The following AIG1 variants were observed in gnomAD, a reference collection of about 807,000 sequenced individuals.
AIG1 encodes the protein androgen-induced gene 1 protein.
In AIG1, 23 loss-of-function variants were observed where a neutral mutation model predicts 31.4. The observed-to-expected ratio is 0.73, with a 90% CI of 0.53 to 1.04. The LOEUF is 1.04. AIG1 is among the 50% of genes least tolerant of loss of function. The pLI, the probability that AIG1 is intolerant of heterozygous loss-of-function variation, is 0.00. For missense variants in AIG1, 274 were observed against 295.0 expected, an observed-to-expected ratio of 0.93 and a Z score of 0.52; for synonymous variants, 100 against 110.5, an observed-to-expected ratio of 0.90 and a Z score of 0.60.
chr6:143,174,047 G>C lies in AIG1; in HGVS notation c.399+8864G>C, dbSNP rs1280317013. 2.6e-5 allele frequency among the ~76,000 whole-genome samples: 4 copies of C among 152,124 alleles called. No individual in the cohort carries two copies. The East Asian group carries it at 7.7e-4, about 29-fold the overall frequency. On this transcript the variant is annotated intron_variant, in intron 3 of 5. Coordinates refer to ENST00000357847, the MANE Select transcript of AIG1 (RefSeq NM_016108.4). ...TCACTTCTTAGGTCTAGTAGTAATT[G>C]TTTTATAAATTTGGGAACTCCAGTG...
At chr6:143,199,056 C>G (rs1055374327) in intron 3 of AIG1, among the ~76,000 whole-genome samples, 2 of 152,108 alleles carry the variant, frequency 1.3e-5, no homozygotes, top group Non-Finnish European at 2.9e-5. Flanking sequence ...TGAAGGTCTC[C>G]TTTCTCCTTA....
At chr6:143,179,695 G>A (rs1266188218) in intron 3 of AIG1, among the ~76,000 whole-genome samples, 1 of 152,084 alleles carries the variant, frequency 6.6e-6, no homozygotes, top group East Asian at 1.9e-4. Context: ...TATTTGAAGA[G>A]GAGAAGAAAT....
At chr6:143,092,637 C>T (rs1320185106) in intron 1 of AIG1, among the ~76,000 whole-genome samples, 1 of 152,104 alleles carries the variant, frequency 6.6e-6, no homozygotes, top group Non-Finnish European at 1.5e-5. Context: ...TTAAAATATT[C>T]AGTAAACCAT....
At position 143,333,482 on chromosome 6, in the gene AIG1, T is replaced by G; in HGVS notation, c.679+37T>G. Reference sequence around the variant, plus strand: ...CTGAGGGAACATAAAACAAGAGAATTACTGCCGGCAACAGTCTATGCAGAG... The same window carrying G: ...CTGAGGGAACATAAAACAAGAGAATGACTGCCGGCAACAGTCTATGCAGAG... On this transcript the variant is annotated intron_variant, in intron 5 of 5. Coordinates refer to ENST00000357847, the MANE Select transcript of AIG1 (RefSeq NM_016108.4). This position sits in a 1 kb window ranked among gnomAD's most constrained non-coding sequence, Gnocchi z 4.6. 9 of 1,603,580 alleles carry G rather than the reference T, an allele frequency of 5.6e-6. 1 individual carries two copies. The African/African-American group carries it at 6.7e-5, about 12-fold the overall frequency.
chr6:143,210,283 T>C (rs377747191), intron 3 of AIG1, among the ~76,000 whole-genome samples: 15 of 152,378 alleles, frequency 9.8e-5, no homozygotes, highest in African/African-American at 3.6e-4. Flanking sequence ...TTTTCCTTTA[T>C]AAGTTACCCA....
intron 1 of AIG1, among the ~76,000 whole-genome samples, chr6:143,076,691 G>A (rs995369106): frequency 1.2e-5 from 1 of 81,818 alleles, no homozygotes. Flanking sequence ...TTTTTTTTTT[G>A]AGATGGAGTC....
rs9403479 is a variant in AIG1 at position 143,280,479 on chromosome 6, T to C, written c.400-3631T>C. Among the ~76,000 whole-genome samples, 82,447 of 152,062 alleles carry C rather than the reference T, an allele frequency of 0.54. 23,361 individuals carry two copies. The highest frequency in any genetic ancestry group is 0.88 in the East Asian group (4,564 of 5,174). ...AAAACATGGAATCAACCTAAATGCC[T>C]ATCAGTGACAGATTGGATAAGGAAA... On this transcript the variant is annotated intron_variant, in intron 3 of 5. Coordinates refer to ENST00000357847, the MANE Select transcript of AIG1 (RefSeq NM_016108.4). This position sits in a 1 kb window ranked among gnomAD's most constrained non-coding sequence, Gnocchi z 4.1.
rs61322198 is a variant in AIG1 at position 143,134,396 on chromosome 6, CTT to C, written c.142-2423_142-2422del. 5.4e-3 allele frequency among the ~76,000 whole-genome samples: 600 copies of C among 111,316 alleles called. 6 individuals are homozygous for C. The highest frequency in any genetic ancestry group is 8.9e-3 in the South Asian group (32 of 3,610). 73.0% of individuals were successfully genotyped at this position (111,316 alleles called of 152,430 possible). ...ATTGTCAGAATTCTTTCCTGGTTTC[CTT>C]TTTTTTTTTTTTTTTGGTTTAACAT... On this transcript the variant is annotated intron_variant, in intron 1 of 5. Coordinates refer to ENST00000357847, the MANE Select transcript of AIG1 (RefSeq NM_016108.4).
At chr6:143,194,813 A>G (rs1790092535) in intron 3 of AIG1, among the ~76,000 whole-genome samples, 1 of 152,126 alleles carries the variant, frequency 6.6e-6, no homozygotes, top group African/African-American at 2.4e-5. Flanking sequence ...CAGCACCCCA[A>G]GGCTCTCTGG....
chr6:143,146,349 A>G (rs569325274), intron 2 of AIG1, among the ~76,000 whole-genome samples: 143 of 152,200 alleles, frequency 9.4e-4, no homozygotes, highest in Admixed American at 5.0e-3. Context: ...GTCCTCAACA[A>G]TGTGACCCGC....
At chr6:143,214,083 C>T (rs574537155) in intron 3 of AIG1, among the ~76,000 whole-genome samples, 12 of 152,238 alleles carry the variant, frequency 7.9e-5, no homozygotes, top group African/African-American at 2.9e-4. Context: ...AGAGACTTTG[C>T]CAAAGCCTAG....
chr6:143,078,221 T>C (rs1419190510), intron 1 of AIG1, among the ~76,000 whole-genome samples: 2 of 152,240 alleles, frequency 1.3e-5, no homozygotes, highest in Non-Finnish European at 2.9e-5. Context: ...CCGGGTTCCA[T>C]TTTATGGTTA....
At chr6:143,337,200 C>A (rs1777561549) in intron 5 of AIG1, among the ~76,000 whole-genome samples, 1 of 152,200 alleles carries the variant, frequency 6.6e-6, no homozygotes, top group South Asian at 2.1e-4. Flanking sequence ...CTGTCTCTGT[C>A]CCTTTCAGTC....
intron 4 of AIG1, among the ~76,000 whole-genome samples, chr6:143,323,502 T>C (rs1394749295): frequency 6.6e-6 from 1 of 152,240 alleles, no homozygotes. Flanking sequence ...AAAAATGGAC[T>C]TCTACAATGA....
chr6:143,188,200 A>G, intron 3 of AIG1: 8 of 994,964 alleles, frequency 8.0e-6, no homozygotes, highest in African/African-American at 3.5e-5. Context: ...TAAGCTGCCC[A>G]TCGATATGAT....
chr6:143,284,164 T>C lies in AIG1; in HGVS notation c.454T>C (p.Tyr152His). ...LIEMRTSHHQ[Y>H]PSRSSGLTAI... is the part of the protein sequence containing the mutation. The stretch of plus-strand genomic sequence containing the variant: ...CGAGATGAGGACATCGCACCATCAG[T>C]ATCCCAGCAGGAGCAGCGGACTTAC... The change falls in exon 4 of 6, where the codon TAT becomes CAT. Residue 152 changes from tyrosine (Y) to histidine (H), a missense_variant. This residue lies in a region of AIG1 where 243 missense variants were observed against 238.5 expected (regional missense o/e 1.02). Coordinates refer to ENST00000357847, the MANE Select transcript of AIG1 (RefSeq NM_016108.4). This position sits in a 1 kb window ranked among gnomAD's most constrained non-coding sequence, Gnocchi z 4.4. 3 of 1,614,154 alleles carry C rather than the reference T, an allele frequency of 1.9e-6. No homozygotes were observed. Among genetic ancestry groups the C allele is most frequent in the South Asian group, 1.1e-5 (1 of 91,078 alleles).
intron 4 of AIG1, among the ~76,000 whole-genome samples, chr6:143,318,683 A>G (rs1001397348): frequency 6.6e-6 from 1 of 152,152 alleles, no homozygotes; most frequent in Non-Finnish European, 1.5e-5. Context: ...TCAGCAGAGT[A>G]AACAGACAAC....
chr6:143,219,309 TA>T (rs1465525287), intron 3 of AIG1, among the ~76,000 whole-genome samples: 5 of 152,140 alleles, frequency 3.3e-5, no homozygotes, highest in African/African-American at 1.2e-4. Context: ...TCCTTATCTA[TA>T]AAACTGCAGT....
At chr6:143,214,904 C>T (rs1281357562) in intron 3 of AIG1, among the ~76,000 whole-genome samples, 1 of 152,190 alleles carries the variant, frequency 6.6e-6, no homozygotes, top group Admixed American at 6.5e-5. Flanking sequence ...TCAGCATGCA[C>T]CTCAAATTGT....
Sources: gnomAD v4.1 joint callset for allele counts (sites outside exome capture counted in the v4.1 genomes callset) on GRCh38, gnomAD v4.1.1 for gene constraint, gnomAD v4.1.1 regional missense constraint, Gnocchi (gnomAD v3.1) non-coding constraint, MANE v1.5 for transcripts, NCBI Gene and HGNC (gene_info 2026-07-23, HGNC 2026-07-21) for gene names.